Variants in RBFOX1 observed in about 807,000 individuals in gnomAD.
RBFOX1 encodes RNA binding fox-1 homolog 1, also known as RNA binding protein fox-1 homolog 1.
Under a neutral mutation model 57.7 loss-of-function variants are expected in RBFOX1, and 8 were observed. The ratio of observed to expected loss-of-function variants is 0.14; its 90% confidence interval spans 0.08 to 0.25. The LOEUF (loss-of-function observed/expected upper bound fraction) is 0.25. Ranked by LOEUF, RBFOX1 falls within the 10% of genes least tolerant of loss-of-function variation. RBFOX1 has a pLI of 1.00. For missense variants in RBFOX1, 611 were observed against 548.5 expected (o/e 1.11, Z -1.14); for synonymous variants, 326 against 222.4 (o/e 1.47, Z -4.15).
chr16:5,644,527 C>G (rs2048984965), intron 3 of RBFOX1, among the ~76,000 whole-genome samples: 1 of 152,222 alleles, frequency 6.6e-6, no homozygotes. Flanking sequence ...GTGGCTCCCT[C>G]TGACATGAGG....
Position 7,265,964 on chromosome 16 carries a change from G to GTT in RBFOX1, c.27+213891_27+213892dup, listed in dbSNP as rs1204871254. 1.1e-3 allele frequency among the ~76,000 whole-genome samples: 77 copies of GTT among 70,256 alleles called. 2 individuals are homozygous for GTT. Among genetic ancestry groups the GTT allele is most frequent in the East Asian group, 3.5e-3 (8 of 2,302 alleles). The allele number at this position is 70,256 out of a possible 152,430, so 46.1% of individuals were successfully genotyped here. A position where few individuals can be genotyped will look rare whatever the true frequency, so the allele number is the denominator to read the frequency against. ...GAGTTATGAGATCTGGTGGGTTTTT[G>GTT]TTTTTTTTTTTTTTTTTTTTTTTTT... On this transcript the variant is annotated intron_variant, in intron 4 of 15. Coordinates refer to ENST00000550418, the MANE Select transcript of RBFOX1 (RefSeq NM_018723.4).
intron 2 of RBFOX1, among the ~76,000 whole-genome samples, chr16:6,342,029 G>A (rs1387189347): frequency 6.6e-6 from 1 of 152,208 alleles, no homozygotes; most frequent in Non-Finnish European, 1.5e-5. Flanking sequence ...CCAGGAAGTA[G>A]CATGTGGACA....
At chr16:7,404,069 T>TTTTATTTTATTTTATTTTAC (rs1568664431) in intron 4 of RBFOX1, among the ~76,000 whole-genome samples, 2 of 149,966 alleles carry the variant, frequency 1.3e-5, no homozygotes, top group Non-Finnish European at 3.0e-5. Flanking sequence ...TTTTATTTTA[T>TTTTATTTTATTTTATTTTAC]TGAGACGGAG....
At chr16:7,444,194 A>G (rs184526669) in intron 4 of RBFOX1, among the ~76,000 whole-genome samples, 12 of 152,338 alleles carry the variant, frequency 7.9e-5, no homozygotes, top group African/African-American at 2.6e-4. Flanking sequence ...TTCCGTGTTA[A>G]GTCTCATGTA....
chr16:7,156,248 G>C (rs2077100572), intron 4 of RBFOX1, among the ~76,000 whole-genome samples: 2 of 146,682 alleles, frequency 1.4e-5, no homozygotes, highest in South Asian at 4.2e-4. Context: ...ACATATATAT[G>C]TATACATATG....
chr16:7,529,471 C>G (rs980603680), intron 5 of RBFOX1, among the ~76,000 whole-genome samples: 1 of 152,168 alleles, frequency 6.6e-6, no homozygotes, highest in African/African-American at 2.4e-5. Flanking sequence ...AACAAATTTC[C>G]TGTCCACAGG....
At chr16:5,753,239 G>A (rs2053274815) in intron 3 of RBFOX1, among the ~76,000 whole-genome samples, 1 of 151,852 alleles carries the variant, frequency 6.6e-6, no homozygotes, top group Non-Finnish European at 1.5e-5. Context: ...ATGTAGCTAA[G>A]TCCTCATAAT....
intron 2 of RBFOX1, among the ~76,000 whole-genome samples, chr16:6,346,410 T>A (rs1453182346): frequency 6.6e-6 from 1 of 152,238 alleles, no homozygotes; most frequent in African/African-American, 2.4e-5. Context: ...AATGTGAGTC[T>A]GTAACAGGTT....
intron 1 of RBFOX1, among the ~76,000 whole-genome samples, chr16:6,287,280 G>A (rs1462120159): frequency 6.6e-6 from 1 of 152,140 alleles, no homozygotes; most frequent in Non-Finnish European, 1.5e-5. Context: ...GCCAACGAGT[G>A]CCACCAAAAA....
chr16:6,982,360 T>C (rs117499172), intron 3 of RBFOX1, among the ~76,000 whole-genome samples: 2 of 152,220 alleles, frequency 1.3e-5, no homozygotes, highest in Admixed American at 6.5e-5. Flanking sequence ...TTGACTTTTG[T>C]TGGTTTTATT....
chr16:6,785,681 C>A lies in RBFOX1; in HGVS notation c.-16+131031C>A, dbSNP rs1051057716. Among the ~76,000 whole-genome samples the A allele has an allele frequency of 3.3e-5, 5 of 152,272 alleles. No homozygotes were observed. The South Asian group carries it at 1.0e-3, about 32-fold the overall frequency. ...TTTCCACGTTCCATGTACCATGTTC[C>A]ATGTGAGCATGTTACAGCCACTGTC... On this transcript the variant is annotated intron_variant, in intron 3 of 15. Coordinates refer to ENST00000550418, the MANE Select transcript of RBFOX1 (RefSeq NM_018723.4).
intron 3 of RBFOX1, among the ~76,000 whole-genome samples, chr16:6,735,937 T>G (rs574686903): frequency 7.7e-6 from 1 of 130,528 alleles, no homozygotes; most frequent in South Asian, 2.9e-4. Flanking sequence ...TTTTTTTGCC[T>G]TTTGCTTTAA....
intron 3 of RBFOX1, among the ~76,000 whole-genome samples, chr16:5,795,523 T>A (rs2054849048): frequency 6.6e-6 from 1 of 152,118 alleles, no homozygotes; most frequent in African/African-American, 2.4e-5. Context: ...ATTCCTGGGC[T>A]CAAACAATCC....
At chr16:7,156,382 T>G (rs1173574566) in intron 4 of RBFOX1, among the ~76,000 whole-genome samples, 1 of 151,796 alleles carries the variant, frequency 6.6e-6, no homozygotes, top group Non-Finnish European at 1.5e-5. Flanking sequence ...TGCGTGTACA[T>G]ATATGCACAC....
At chr16:5,317,068 C>T (rs758851268) in intron 1 of RBFOX1, among the ~76,000 whole-genome samples, 11 of 152,188 alleles carry the variant, frequency 7.2e-5, no homozygotes, top group Non-Finnish European at 1.6e-4. Flanking sequence ...CTCCTGGGCT[C>T]TCAGGCCTTT....
chr16:5,983,494 G>C (rs1430194807), intron 4 of RBFOX1, among the ~76,000 whole-genome samples: 1 of 152,200 alleles, frequency 6.6e-6, no homozygotes, highest in African/African-American at 2.4e-5. Flanking sequence ...GAAGAGAGGG[G>C]TACGGTGGGG....
intron 2 of RBFOX1, among the ~76,000 whole-genome samples, chr16:6,626,543 TG>T (rs2098310623): frequency 6.6e-6 from 1 of 152,182 alleles, no homozygotes; most frequent in Non-Finnish European, 1.5e-5. Context: ...GCGGATCACC[TG>T]GGATCAGGAG....
At chr16:6,468,021 T>G (rs1463047553) in intron 2 of RBFOX1, among the ~76,000 whole-genome samples, 1 of 152,158 alleles carries the variant, frequency 6.6e-6, no homozygotes, top group African/African-American at 2.4e-5. Context: ...AGAAAGAAAT[T>G]ACCAGAGAAG....
intron 3 of RBFOX1, among the ~76,000 whole-genome samples, chr16:5,770,066 G>C (rs2053926461): frequency 6.6e-6 from 1 of 152,200 alleles, no homozygotes; most frequent in Non-Finnish European, 1.5e-5. Context: ...GAATGAATGT[G>C]GCTCTAGCCA....
Sources: allele counts gnomAD v4.1 joint callset (sites outside exome capture counted in the v4.1 genomes callset), GRCh38; gene constraint gnomAD v4.1.1; transcripts MANE v1.5; gene names NCBI Gene and HGNC (gene_info 2026-07-23, HGNC 2026-07-21).